Variants in PROS1 observed in about 807,000 individuals in gnomAD.
The protein encoded by PROS1 is protein S, also known as vitamin K-dependent protein S.
PROS1 carries 29 observed loss-of-function variants against 75.9 expected under a neutral mutation model. That is an observed-to-expected ratio of 0.38 (90% CI 0.28 to 0.52). The LOEUF (loss-of-function observed/expected upper bound fraction) is 0.52. PROS1 is among the 20% of genes least tolerant of loss of function. The pLI is 0.83. For synonymous variants in PROS1, 245 were observed against 280.6 expected (o/e 0.87, Z 1.27); for missense variants, 680 against 810.3 (o/e 0.84, Z 1.95).
At chr3:93,973,589 C>A in intron 1 of PROS1, 85 bp downstream of exon 1, 2 of 1,435,614 alleles carry the variant, frequency 1.4e-6, no homozygotes, top group Non-Finnish European at 1.9e-6. Flanking sequence ...GGCTGCAGCT[C>A]TAGAGAAGAA....
chr3:93,960,328 C>G (rs187398962), intron 1 of PROS1, among the ~76,000 whole-genome samples: 3 of 152,118 alleles, frequency 2.0e-5, no homozygotes, highest in South Asian at 2.1e-4. Flanking sequence ...AGGTGCCCAC[C>G]ACCATGCCCA....
rs763898193 is a variant in PROS1, at chr3:93,877,110, C to T, written c.1726G>A (p.Glu576Lys). ...AGATTGTTTCTGTTGACTCTAAATT[C>T]CAGATGAGATTGTTGATCGGAACAT... The part of the protein sequence containing the change: ...SLCSDQQSHL[E>K]FRVNRNNLEL... The change falls in exon 14 of 15, where the codon GAA becomes AAA. Residue 576 changes from glutamate to lysine, a missense_variant. Coordinates refer to ENST00000394236, the MANE Select transcript of PROS1 (RefSeq NM_000313.4). The T allele has an allele frequency of 6.2e-7, 1 of 1,612,658 alleles. No individual in the cohort carries two copies. Among genetic ancestry groups the T allele is most frequent in the Non-Finnish European group, 8.5e-7 (1 of 1,178,842 alleles).
intron 1 of PROS1, among the ~76,000 whole-genome samples, chr3:93,947,345 A>T (rs1009098454): frequency 3.9e-5 from 6 of 152,064 alleles, no homozygotes; most frequent in African/African-American, 9.7e-5. Context: ...ATAACAAAAC[A>T]GTTTAAGTCT....
intron 1 of PROS1, among the ~76,000 whole-genome samples, chr3:93,941,918 C>A (rs1173282514): frequency 6.6e-6 from 1 of 152,196 alleles, no homozygotes; most frequent in Non-Finnish European, 1.5e-5. Flanking sequence ...GCTCCTTCAG[C>A]TATACTCACC....
intron 1 of PROS1, among the ~76,000 whole-genome samples, chr3:93,928,075 C>T (rs1709054664): frequency 8.0e-6 from 1 of 124,964 alleles, no homozygotes. Flanking sequence ...AGTGCAGTGG[C>T]ATGATCTCGG....
rs770459080 is a variant in PROS1 at position 93,876,972 on chromosome 3, G to A, written c.1864C>T (p.Leu622Phe). Residue 622 changes from leucine (L) to phenylalanine (F), a missense_variant, in exon 14 of 15, where the codon CTT becomes TTT. Coordinates refer to ENST00000394236, the MANE Select transcript of PROS1 (RefSeq NM_000313.4). ...KAKVATYLGGLPDVPFSATPV... is the reference protein window; with the variant it reads ...KAKVATYLGGFPDVPFSATPV... ...AGAAAAAGTAAGCAGATACCTGGAA[G>A]GCCACCCAGGTATGTGGCCACTTTT... 5 of 1,599,434 alleles carry A rather than the reference G, an allele frequency of 3.1e-6. No homozygotes were observed. Among genetic ancestry groups the A allele is most frequent in the Non-Finnish European group, 4.3e-6 (5 of 1,167,938 alleles).
intron 1 of PROS1, among the ~76,000 whole-genome samples, chr3:93,953,803 G>A (rs1408972241): frequency 3.3e-5 from 5 of 152,150 alleles, no homozygotes; most frequent in African/African-American, 1.2e-4. Flanking sequence ...GTTTGCAGAT[G>A]ACATGACTGT....
intron 9 of PROS1, among the ~76,000 whole-genome samples, chr3:93,893,383 T>A (rs1708460018): frequency 6.6e-6 from 1 of 152,202 alleles, no homozygotes; most frequent in Admixed American, 6.5e-5. Context: ...GCTTTGGTAA[T>A]TTGTCATCTT....
intron 3 of PROS1, 152 bp from the exon 4 acceptor site, chr3:93,910,857 A>T (rs1264269568): frequency 2.2e-5 from 15 of 667,102 alleles, no homozygotes; most frequent in Non-Finnish European, 3.7e-5. Context: ...GTTTCCATCT[A>T]CCTTTCTGAA....
At chr3:93,913,223 C>T (rs1349009219) in intron 3 of PROS1, among the ~76,000 whole-genome samples, 1 of 152,080 alleles carries the variant, frequency 6.6e-6, no homozygotes, top group Non-Finnish European at 1.5e-5. Context: ...GAAGAAGATG[C>T]CTTGCTTCCT....
intron 6 of PROS1, among the ~76,000 whole-genome samples, chr3:93,904,095 T>C (rs921162675): frequency 6.6e-6 from 1 of 151,768 alleles, no homozygotes; most frequent in African/African-American, 2.4e-5. Flanking sequence ...GATAGTTTAC[T>C]GAGAATGATG....
intron 3 of PROS1, among the ~76,000 whole-genome samples, chr3:93,919,926 G>A (rs1263184195): frequency 6.6e-6 from 1 of 151,968 alleles, no homozygotes; most frequent in African/African-American, 2.4e-5. Context: ...TCAGTTTCAT[G>A]TTCTGAAAAT....
chr3:93,885,878 T>G (rs150482217), intron 11 of PROS1, among the ~76,000 whole-genome samples: 1 of 152,296 alleles, frequency 6.6e-6, no homozygotes, highest in African/African-American at 2.4e-5. Flanking sequence ...AATTTCACCT[T>G]ATGTGCTATT....
chr3:93,923,935 G>A (rs1248870638), intron 3 of PROS1, among the ~76,000 whole-genome samples: 1 of 150,838 alleles, frequency 6.6e-6, no homozygotes, highest in African/African-American at 2.4e-5. Context: ...CCATGAAAAC[G>A]CATATGCTCA....
At chr3:93,927,223 A>ATG (rs770881218) in intron 2 of PROS1, 27 bp downstream of exon 2, 2 of 1,611,990 alleles carry the variant, frequency 1.2e-6, no homozygotes, top group Non-Finnish European at 1.7e-6. Flanking sequence ...TAGATGTGTG[A>ATG]ACTTGATAGT....
chr3:93,954,368 C>G (rs1463374926), intron 1 of PROS1, among the ~76,000 whole-genome samples: 1 of 152,006 alleles, frequency 6.6e-6, no homozygotes, highest in East Asian at 1.9e-4. Flanking sequence ...GTACTGGTAC[C>G]AAAACAGAGA....
intron 12 of PROS1, among the ~76,000 whole-genome samples, chr3:93,880,905 T>C (rs1382713669): frequency 2.6e-5 from 4 of 152,346 alleles, no homozygotes; most frequent in Admixed American, 1.3e-4. Flanking sequence ...TTTAGTTTTA[T>C]CCTAATTTAA....
intron 1 of PROS1, among the ~76,000 whole-genome samples, chr3:93,949,703 A>G (rs965316612): frequency 2.0e-5 from 3 of 152,238 alleles, no homozygotes; most frequent in African/African-American, 7.2e-5. Context: ...AGAAGTTGAA[A>G]GAAACGAGAA....
At chr3:93,968,107 T>TA (rs1709817417) in intron 1 of PROS1, 1 of 152,122 alleles carries the variant, frequency 6.6e-6, no homozygotes, top group Admixed American at 6.5e-5. Flanking sequence ...CTTGTCATGA[T>TA]ATGATGTTTA....
Sources: allele counts gnomAD v4.1 joint callset (sites outside exome capture counted in the v4.1 genomes callset), GRCh38; gene constraint gnomAD v4.1.1; transcripts MANE v1.5; gene names NCBI Gene and HGNC (gene_info 2026-07-23, HGNC 2026-07-21).